ERLIN1: variants seen among roughly 807,000 people sequenced by gnomAD.
The protein encoded by ERLIN1 is ER lipid raft associated 1, also known as erlin-1.
ERLIN1 carries 24 observed loss-of-function variants against 46.9 expected under a neutral mutation model. The ratio of observed to expected loss-of-function variants is 0.51; its 90% confidence interval spans 0.37 to 0.72. The LOEUF is 0.72. Among genes scored for constraint, ERLIN1 ranks in the 30% least tolerant of loss-of-function variants. ERLIN1 has a pLI of 0.00. For synonymous variants in ERLIN1, 158 were observed against 143.2 expected (o/e 1.10, Z -0.74); for missense variants, 293 against 417.9 (o/e 0.70, Z 2.61).
At chr10:100,153,232 A>C (rs1430678774) in intron 10 of ERLIN1, among the ~76,000 whole-genome samples, 1 of 152,184 alleles carries the variant, frequency 6.6e-6, no homozygotes, top group Admixed American at 6.5e-5. Flanking sequence ...ATGTTTGTCG[A>C]CCACCAGATC....
intron 10 of ERLIN1, among the ~76,000 whole-genome samples, chr10:100,153,171 C>T (rs974617127): frequency 2.6e-5 from 4 of 152,214 alleles, no homozygotes; most frequent in Non-Finnish European, 5.9e-5. Flanking sequence ...CCTGATCTGG[C>T]CTTCTGCCTT....
chr10:100,154,103 C>T (rs1374440306), intron 10 of ERLIN1, among the ~76,000 whole-genome samples: 1 of 152,166 alleles, frequency 6.6e-6, no homozygotes, highest in Admixed American at 6.5e-5. Context: ...CCAATCTGCT[C>T]CACGATAACC....
At chr10:100,175,913 C>T (rs779075824) in intron 5 of ERLIN1, 32 bp downstream of exon 5, 24 of 1,600,666 alleles carry the variant, frequency 1.5e-5, no homozygotes, top group Non-Finnish European at 2.0e-5. Context: ...TTCCAATTGG[C>T]TATTTACATA....
chr10:100,174,414 C>A, intron 5 of ERLIN1, 133 bp from the exon 6 acceptor site: 1 of 601,172 alleles, frequency 1.7e-6, no homozygotes, highest in Non-Finnish European at 2.9e-6. Context: ...GCTTAAACTG[C>A]CTTTTCTTCC....
chr10:100,182,541 A>C (rs1844721539), intron 2 of ERLIN1, among the ~76,000 whole-genome samples: 1 of 152,188 alleles, frequency 6.6e-6, no homozygotes, highest in Non-Finnish European at 1.5e-5. Flanking sequence ...CTTCCTGAGA[A>C]ATCAGCTCAA....
chr10:100,164,128 G>A (rs1165310796), intron 7 of ERLIN1, 33 bp from the exon 8 acceptor site: 1 of 1,448,514 alleles, frequency 6.9e-7, no homozygotes, highest in East Asian at 2.3e-5. Flanking sequence ...AATTAGAAAT[G>A]ATTCTCCTAT....
At chr10:100,173,412 C>A (rs935452577) in intron 6 of ERLIN1, among the ~76,000 whole-genome samples, 4 of 152,206 alleles carry the variant, frequency 2.6e-5, no homozygotes, top group African/African-American at 9.7e-5. Context: ...CCCCGCCACA[C>A]TGTGAAACAC....
chr10:100,162,576 C>G (rs1257669808), intron 8 of ERLIN1, among the ~76,000 whole-genome samples: 4 of 152,154 alleles, frequency 2.6e-5, no homozygotes, highest in African/African-American at 9.7e-5. Flanking sequence ...TAGAGCAGTG[C>G]TTCTCAAACC....
At chr10:100,183,328 T>C (rs189887767) in intron 2 of ERLIN1, among the ~76,000 whole-genome samples, 36 of 152,294 alleles carry the variant, frequency 2.4e-4, no homozygotes, top group Admixed American at 1.0e-3. Flanking sequence ...CAAAAAAACA[T>C]GAGGCAGAAA....
At chr10:100,163,762 T>C (rs895211962) in intron 8 of ERLIN1, among the ~76,000 whole-genome samples, 2 of 152,216 alleles carry the variant, frequency 1.3e-5, no homozygotes, top group Non-Finnish European at 2.9e-5. Flanking sequence ...CCATTCTCCC[T>C]GTTCTTGAAA....
chr10:100,158,626 G>A (rs900659701), intron 8 of ERLIN1, among the ~76,000 whole-genome samples: 2 of 152,100 alleles, frequency 1.3e-5, no homozygotes, highest in Non-Finnish European at 2.9e-5. Context: ...AGTGTTTACT[G>A]TAAGGATTAA....
intron 2 of ERLIN1, among the ~76,000 whole-genome samples, chr10:100,179,548 C>G (rs2134173304): frequency 6.6e-6 from 1 of 152,164 alleles, no homozygotes; most frequent in East Asian, 1.9e-4. Context: ...CCTCTGCCTC[C>G]TGGGTTCAGG....
chr10:100,185,963 G>C lies in ERLIN1; in HGVS notation c.-337C>G. On this transcript the variant is annotated 5_prime_UTR_variant, in exon 1 of 11. The change creates a new upstream start codon in the 5' untranslated region. Coordinates refer to ENST00000421367, the MANE Select transcript of ERLIN1 (RefSeq NM_006459.4). ...GCCGACCCCTCGGCCGCGCCTCACC[G>C]ATCAGTGACGCATCGCCCCCGCCCG... The C allele has an allele frequency of 4.3e-6, 2 of 462,330 alleles. No homozygotes were observed. The highest frequency in any genetic ancestry group is 4.1e-5 in the Admixed American group (1 of 24,562). The allele number at this position is 462,330 out of a possible 1,614,324, so 28.6% of individuals were successfully genotyped here. A position where few individuals can be genotyped will look rare whatever the true frequency, so the allele number is the denominator to read the frequency against.
intron 6 of ERLIN1, among the ~76,000 whole-genome samples, chr10:100,170,360 A>G (rs544592982): frequency 2.0e-5 from 3 of 152,374 alleles, no homozygotes; most frequent in African/African-American, 7.2e-5. Flanking sequence ...AAATATAAAA[A>G]TTATTTTAAA....
intron 4 of ERLIN1, among the ~76,000 whole-genome samples, chr10:100,177,037 G>C (rs985457818): frequency 2.6e-5 from 4 of 152,054 alleles, no homozygotes; most frequent in African/African-American, 9.7e-5. Flanking sequence ...CAGGAGAATT[G>C]CATGAACCCA....
chr10:100,154,792 G>A, intron 10 of ERLIN1, 68 bp downstream of exon 10: 1 of 1,219,882 alleles, frequency 8.2e-7, no homozygotes, highest in Non-Finnish European at 1.2e-6. Context: ...TATCATATCA[G>A]AGCTCCTGAA....
intron 6 of ERLIN1, among the ~76,000 whole-genome samples, chr10:100,172,772 C>T (rs1412921000): frequency 2.0e-5 from 3 of 152,128 alleles, no homozygotes; most frequent in African/African-American, 7.2e-5. Context: ...CATACAAGAA[C>T]ATGTGTCATG....
At chr10:100,185,336 A>G (rs987814289) in intron 1 of ERLIN1, among the ~76,000 whole-genome samples, 178 bp downstream of exon 1, 1 of 152,140 alleles carries the variant, frequency 6.6e-6, no homozygotes, top group African/African-American at 2.4e-5. Flanking sequence ...CGAACATAGC[A>G]CTAAAACTGT....
intron 5 of ERLIN1, among the ~76,000 whole-genome samples, chr10:100,175,364 G>A (rs113233403): frequency 7.3e-4 from 111 of 152,234 alleles, no homozygotes; most frequent in African/African-American, 2.5e-3. Flanking sequence ...GTAGGCAGAG[G>A]GTGCCTACAT....
Sources: gnomAD v4.1 joint callset for allele counts (sites outside exome capture counted in the v4.1 genomes callset) on GRCh38, gnomAD v4.1.1 for gene constraint, MANE v1.5 for transcripts, NCBI Gene and HGNC (gene_info 2026-07-23, HGNC 2026-07-21) for gene names.